Variants in ORC3 observed in about 807,000 individuals in gnomAD.
The protein encoded by ORC3 is origin recognition complex subunit 3.
Under a neutral mutation model 100.7 loss-of-function variants are expected in ORC3, and 78 were observed. That is an observed-to-expected ratio of 0.77 (90% CI 0.65 to 0.94). The LOEUF is 0.94. Among genes scored for constraint, ORC3 ranks in the 40% least tolerant of loss-of-function variants. The pLI, the probability that ORC3 is intolerant of heterozygous loss-of-function variation, is 0.00. For missense variants in ORC3, 789 were observed against 823.9 expected, an observed-to-expected ratio of 0.96 and a Z score of 0.52; for synonymous variants, 295 against 289.3, an observed-to-expected ratio of 1.02 and a Z score of -0.20.
chr6:87,626,787 CAA>C (rs11321781), intron 11 of ORC3, among the ~76,000 whole-genome samples: 200 of 123,442 alleles, frequency 1.6e-3, no homozygotes, highest in East Asian at 4.4e-3. Context: ...ACTCTGTCTC[CAA>C]AAAAAAAAAA....
chr6:87,650,362 C>T (rs996352543), intron 13 of ORC3, among the ~76,000 whole-genome samples: 3 of 152,130 alleles, frequency 2.0e-5, no homozygotes, highest in African/African-American at 7.2e-5. Context: ...CTCTTTTACA[C>T]TCTCTTTTAT....
chr6:87,600,966 G>C (rs1777854168), intron 2 of ORC3, among the ~76,000 whole-genome samples: 1 of 152,134 alleles, frequency 6.6e-6, no homozygotes, highest in African/African-American at 2.4e-5. Context: ...TGCAATAAAT[G>C]GTATTTTCAC....
At chr6:87,591,488 T>C (rs1390911420) in intron 1 of ORC3, among the ~76,000 whole-genome samples, 1 of 152,226 alleles carries the variant, frequency 6.6e-6, no homozygotes, top group Non-Finnish European at 1.5e-5. Context: ...GTATTTTTAT[T>C]AGAAATGGTA....
chr6:87,656,882 C>G (rs1168812239), intron 14 of ORC3, 24 bp from the exon 15 acceptor site: 3 of 1,557,458 alleles, frequency 1.9e-6, no homozygotes, highest in Non-Finnish European at 2.7e-6. Flanking sequence ...TCATTGATGT[C>G]TACTGGTTTT....
intron 3 of ORC3, 21 bp from the exon 4 acceptor site, chr6:87,603,363 G>T (rs762291480): frequency 4.2e-5 from 56 of 1,335,524 alleles, no homozygotes; most frequent in Non-Finnish European, 5.5e-5. Flanking sequence ...ATAATAATAA[G>T]TTTTTGTGTG....
intron 11 of ORC3, among the ~76,000 whole-genome samples, chr6:87,626,073 G>A (rs181479211): frequency 5.9e-5 from 9 of 152,310 alleles, no homozygotes; most frequent in African/African-American, 2.2e-4. Context: ...GTACCATGCT[G>A]TTTTGGTTAC....
At chr6:87,613,551 A>G (rs1220063227) in intron 8 of ORC3, among the ~76,000 whole-genome samples, 1 of 152,220 alleles carries the variant, frequency 6.6e-6, no homozygotes, top group Non-Finnish European at 1.5e-5. Context: ...TCCACAGTCC[A>G]AAGTCTCATC....
chr6:87,597,098 T>C (rs1217227403), intron 2 of ORC3, among the ~76,000 whole-genome samples: 1 of 152,178 alleles, frequency 6.6e-6, no homozygotes, highest in African/African-American at 2.4e-5. Context: ...TATTGGAATT[T>C]TTTCAGATTT....
rs28381496 is a variant in ORC3 at position 87,612,974 on chromosome 6, A to G, written c.873+726A>G. The stretch of plus-strand genomic sequence containing the variant: ...TGGACTGTTTCCTAACTGATTTGTC[A>G]TGCTGCTCTTGACAACAAATACTAA... On this transcript the variant is annotated intron_variant, in intron 8 of 19. Coordinates refer to ENST00000392844, the MANE Select transcript of ORC3 (RefSeq NM_012381.4). 2.5e-3 allele frequency among the ~76,000 whole-genome samples: 382 copies of G among 152,338 alleles called. 1 individual carries two copies. The highest frequency in any genetic ancestry group is 8.7e-3 in the African/African-American group (360 of 41,574).
At chr6:87,630,096 AC>A (rs1297353895) in intron 11 of ORC3, among the ~76,000 whole-genome samples, 5 of 152,184 alleles carry the variant, frequency 3.3e-5, no homozygotes, top group Non-Finnish European at 2.9e-5. Context: ...GGAAATCTAG[AC>A]CACATCCAGC....
chr6:87,606,238 A>G (rs981892223), intron 5 of ORC3, among the ~76,000 whole-genome samples: 1 of 152,126 alleles, frequency 6.6e-6, no homozygotes, highest in African/African-American at 2.4e-5. Flanking sequence ...TTTCTGCCCT[A>G]TCAGCTTAAC....
intron 12 of ORC3, 88 bp downstream of exon 12, chr6:87,635,049 T>C: frequency 1.3e-6 from 1 of 790,362 alleles, no homozygotes; most frequent in Admixed American, 1.7e-5. Flanking sequence ...GGCATCAGAA[T>C]GTGAAATGAA....
At chr6:87,639,362 C>T (rs1263620287) in intron 13 of ORC3, among the ~76,000 whole-genome samples, 2 of 152,176 alleles carry the variant, frequency 1.3e-5, no homozygotes, top group East Asian at 1.9e-4. Flanking sequence ...CTTCTGCCTC[C>T]GCTGCTCTTA....
chr6:87,667,173 G>A lies in ORC3; in HGVS notation c.*50G>A. ...TATCACATTTAGCTTAAGAGAAAAA[G>A]GTGACCAGTCATATTTACATATATT... On this transcript the variant is annotated 3_prime_UTR_variant, in exon 20 of 20. Transcript: ENST00000392844. 1 of 1,109,010 alleles carries A rather than the reference G, an allele frequency of 9.0e-7. No individual in the cohort carries two copies. Among genetic ancestry groups the A allele is most frequent in the Non-Finnish European group, 1.3e-6 (1 of 744,558 alleles). The allele number at this position is 1,109,010 out of a possible 1,614,324, so 68.7% of individuals were successfully genotyped here. A position where few individuals can be genotyped will look rare whatever the true frequency, so the allele number is the denominator to read the frequency against.
chr6:87,609,916 A>C (rs765734898), intron 7 of ORC3, among the ~76,000 whole-genome samples: 3 of 152,172 alleles, frequency 2.0e-5, no homozygotes, highest in Non-Finnish European at 2.9e-5. Context: ...TCTGAGTTGC[A>C]TATAGTTTTA....
chr6:87,656,100 AT>A (rs1769665763), intron 14 of ORC3, among the ~76,000 whole-genome samples: 1 of 152,220 alleles, frequency 6.6e-6, no homozygotes, highest in Non-Finnish European at 1.5e-5. Flanking sequence ...ACAGCTGTAC[AT>A]TTAAGCAGTT....
chr6:87,628,577 A>G (rs1172250427), intron 11 of ORC3, among the ~76,000 whole-genome samples: 4 of 152,232 alleles, frequency 2.6e-5, no homozygotes, highest in Non-Finnish European at 5.9e-5. Flanking sequence ...ATCCTTTTAG[A>G]GTGAGAAATA....
At chr6:87,610,711 G>A (rs1284940319) in intron 7 of ORC3, among the ~76,000 whole-genome samples, 5 of 145,590 alleles carry the variant, frequency 3.4e-5, no homozygotes, top group Admixed American at 6.8e-5. Flanking sequence ...CCGCCACCGC[G>A]CCTGGCTAAT....
chr6:87,647,203 C>G (rs1768865355), intron 13 of ORC3, among the ~76,000 whole-genome samples: 1 of 152,180 alleles, frequency 6.6e-6, no homozygotes, highest in African/African-American at 2.4e-5. Flanking sequence ...CTCCGCATTT[C>G]ACTCAGAGTA....
Sources: allele counts gnomAD v4.1 joint callset (sites outside exome capture counted in the v4.1 genomes callset), GRCh38; gene constraint gnomAD v4.1.1; transcripts MANE v1.5; gene names NCBI Gene and HGNC (gene_info 2026-07-23, HGNC 2026-07-21).